FOXP1: variants seen among roughly 807,000 people sequenced by gnomAD.
The protein encoded by FOXP1 is forkhead box protein P1.
FOXP1 carries 15 observed loss-of-function variants against 98.2 expected under a neutral mutation model. The observed-to-expected ratio is 0.15, with a 90% CI of 0.10 to 0.24. The LOEUF is 0.24. FOXP1 is among the 10% of genes least tolerant of loss of function. The pLI is 1.00. For synonymous variants in FOXP1, 371 were observed against 314.5 expected, an observed-to-expected ratio of 1.18 and a Z score of -1.90; for missense variants, 633 against 848.5, an observed-to-expected ratio of 0.75 and a Z score of 3.15.
chr3:71,381,837 T>C (rs1037723192), intron 3 of FOXP1, among the ~76,000 whole-genome samples: 8 of 152,270 alleles, frequency 5.3e-5, no homozygotes, highest in Admixed American at 4.6e-4. Context: ...CCAACACTTA[T>C]TTGTTACGTA....
intron 5 of FOXP1, among the ~76,000 whole-genome samples, chr3:71,256,849 TGAG>T (rs1220049558): frequency 1.3e-5 from 2 of 152,146 alleles, no homozygotes; most frequent in Non-Finnish European, 2.9e-5. Context: ...GAAACATGTT[TGAG>T]GAGTACTGAT....
intron 4 of FOXP1, among the ~76,000 whole-genome samples, chr3:71,327,836 G>T (rs547546741): frequency 2.5e-4 from 38 of 152,048 alleles, no homozygotes; most frequent in Admixed American, 1.8e-3. Flanking sequence ...CACTCTTTTT[G>T]CTTATTATAA....
chr3:70,982,951 T>G (rs1202853870), intron 14 of FOXP1, among the ~76,000 whole-genome samples: 5 of 152,218 alleles, frequency 3.3e-5, no homozygotes, highest in Non-Finnish European at 5.9e-5. Flanking sequence ...GTAGGGACTT[T>G]CGGGCTCACA....
At chr3:71,465,190 C>T (rs557988987) in intron 3 of FOXP1, among the ~76,000 whole-genome samples, 35 of 151,742 alleles carry the variant, frequency 2.3e-4, no homozygotes, top group Admixed American at 5.3e-4. Context: ...GTCTGTAATC[C>T]CGGCTACTTG....
chr3:70,987,115 A>T (rs566183708), intron 14 of FOXP1, among the ~76,000 whole-genome samples: 1 of 152,376 alleles, frequency 6.6e-6, no homozygotes, highest in East Asian at 1.9e-4. Context: ...AGCAAAATCA[A>T]ATAAAGGCAG....
intron 3 of FOXP1, among the ~76,000 whole-genome samples, chr3:71,405,730 A>ATT (rs200584550): frequency 1.3e-5 from 2 of 150,772 alleles, no homozygotes; most frequent in Non-Finnish European, 1.5e-5. Context: ...TTATTTATTT[A>ATT]TTTATTTATT....
At chr3:71,085,151 T>C (rs1056486855) in intron 7 of FOXP1, among the ~76,000 whole-genome samples, 2 of 152,092 alleles carry the variant, frequency 1.3e-5, no homozygotes, top group Non-Finnish European at 2.9e-5. Context: ...GCTTTTTGCT[T>C]TTCTTTTCTG....
chr3:70,975,043 C>T (rs2037203566), intron 17 of FOXP1, among the ~76,000 whole-genome samples: 1 of 152,114 alleles, frequency 6.6e-6, no homozygotes, highest in Non-Finnish European at 1.5e-5. Context: ...GATCATGGTA[C>T]AAACAAGGAC....
chr3:71,523,419 AC>A (rs1001125759), intron 2 of FOXP1, among the ~76,000 whole-genome samples: 1 of 152,162 alleles, frequency 6.6e-6, no homozygotes, highest in Non-Finnish European at 1.5e-5. Flanking sequence ...ATAAACAGTA[AC>A]CCTTTATTTT....
intron 2 of FOXP1, among the ~76,000 whole-genome samples, chr3:71,531,077 T>C (rs921785697): frequency 6.6e-6 from 1 of 152,254 alleles, no homozygotes; most frequent in Non-Finnish European, 1.5e-5. Context: ...TAAATCTGCG[T>C]TCAGGTGTGA....
intron 6 of FOXP1, among the ~76,000 whole-genome samples, chr3:71,169,244 C>T (rs1056861089): frequency 3.9e-5 from 6 of 152,182 alleles, no homozygotes; most frequent in Admixed American, 2.0e-4. Context: ...CTGTGTTTTG[C>T]CTGGCAGTAA....
chr3:71,527,614 A>G (rs1038922167), intron 2 of FOXP1, among the ~76,000 whole-genome samples: 4 of 152,242 alleles, frequency 2.6e-5, no homozygotes, highest in African/African-American at 7.2e-5. Context: ...GACTAAAAGG[A>G]GAGGTGCAGA....
At chr3:71,125,937 T>C (rs1361684327) in intron 6 of FOXP1, among the ~76,000 whole-genome samples, 1 of 152,194 alleles carries the variant, frequency 6.6e-6, no homozygotes, top group Non-Finnish European at 1.5e-5. Context: ...TGTGTCTTAG[T>C]TTCTTCTTCA....
chr3:71,124,655 G>GAAAAAAAAAAAGA (rs201365799), intron 6 of FOXP1, among the ~76,000 whole-genome samples: 1 of 141,982 alleles, frequency 7.0e-6, no homozygotes, highest in East Asian at 2.3e-4. Context: ...AAAAAAAAAA[G>GAAAAAAAAAAAGA]AAAAAAAAAA....
intron 2 of FOXP1, among the ~76,000 whole-genome samples, chr3:71,561,332 T>C (rs139209517): frequency 7.0e-6 from 1 of 142,788 alleles, no homozygotes; most frequent in African/African-American, 2.6e-5. Context: ...AGGCGTGAAC[T>C]ACCACACCCA....
At chr3:71,287,628 A>C (rs1035382977) in intron 5 of FOXP1, among the ~76,000 whole-genome samples, 13 of 151,764 alleles carry the variant, frequency 8.6e-5, no homozygotes, top group Admixed American at 5.2e-4. Context: ...AAAAATACGA[A>C]AATTAGCTGG....
intron 13 of FOXP1, among the ~76,000 whole-genome samples, chr3:70,995,228 G>A (rs1226656268): frequency 6.6e-6 from 1 of 152,134 alleles, no homozygotes; most frequent in African/African-American, 2.4e-5. Flanking sequence ...CACGGCCGGT[G>A]GACAGTGGGG....
At chr3:70,979,967 T>G (rs73838124) in intron 14 of FOXP1, among the ~76,000 whole-genome samples, 1 of 152,188 alleles carries the variant, frequency 6.6e-6, no homozygotes, top group South Asian at 2.1e-4. Flanking sequence ...CTTTTTATTT[T>G]CAGCGTAGAA....
intron 4 of FOXP1, among the ~76,000 whole-genome samples, chr3:71,303,045 C>G (rs2073982920): frequency 6.6e-6 from 1 of 152,108 alleles, no homozygotes; most frequent in Admixed American, 6.5e-5. Flanking sequence ...CTAGTATGTC[C>G]TACTTGGAAC....
Sources: gnomAD v4.1 joint callset for allele counts (sites outside exome capture counted in the v4.1 genomes callset) on GRCh38, gnomAD v4.1.1 for gene constraint, MANE v1.5 for transcripts, NCBI Gene and HGNC (gene_info 2026-07-23, HGNC 2026-07-21) for gene names.